Variants in FMN1 observed in about 807,000 individuals in gnomAD.
FMN1 encodes formin-1.
Under a neutral mutation model 132.4 loss-of-function variants are expected in FMN1, and 110 were observed. The ratio of observed to expected loss-of-function variants is 0.83; its 90% confidence interval spans 0.71 to 0.97. The LOEUF is 0.97. FMN1 is among the 50% of genes least tolerant of loss of function. FMN1 has a pLI of 0.00. For missense variants in FMN1, 1,792 were observed against 1,705.3 expected (o/e 1.05, Z -0.90); for synonymous variants, 722 against 651.7 (o/e 1.11, Z -1.64).
rs1248679613 is a variant in FMN1, at chr15:32,767,206, TC to T, written c.*7103del. The stretch of plus-strand genomic sequence containing the variant: ...ACTAGCCTCGTTCAAATTTTTCTCC[TC>T]CATGCGTCCTTTTTTTCTTGCTCAT... On this transcript the variant is annotated 3_prime_UTR_variant, in exon 21 of 21. Coordinates refer to ENST00000616417, the MANE Select transcript of FMN1 (RefSeq NM_001277313.2). 1 of 152,220 alleles carries T rather than the reference TC, an allele frequency of 6.6e-6. No homozygotes were observed. 9.4% of individuals were successfully genotyped at this position (152,220 alleles called of 1,614,324 possible). A position where few individuals can be genotyped will look rare whatever the true frequency, so the allele number is the denominator to read the frequency against.
At chr15:32,941,285 T>C (rs1313969169) in intron 9 of FMN1, among the ~76,000 whole-genome samples, 1 of 152,140 alleles carries the variant, frequency 6.6e-6, no homozygotes. Flanking sequence ...ATTTGTAAGA[T>C]TTTGCTTATC....
chr15:32,849,283 G>A (rs2058946270), intron 17 of FMN1, among the ~76,000 whole-genome samples: 4 of 151,684 alleles, frequency 2.6e-5, no homozygotes, highest in Admixed American at 1.3e-4. Flanking sequence ...GAGCCACCGC[G>A]CCCGGCCAGT....
intron 4 of FMN1, among the ~76,000 whole-genome samples, chr15:33,117,466 C>T (rs2039972702): frequency 1.3e-5 from 2 of 152,188 alleles, no homozygotes; most frequent in African/African-American, 4.8e-5. Flanking sequence ...ATTTAACTGG[C>T]ATATGCTCTT....
intron 7 of FMN1, among the ~76,000 whole-genome samples, chr15:33,007,700 A>G (rs925506889): frequency 6.6e-6 from 1 of 151,700 alleles, no homozygotes; most frequent in African/African-American, 2.4e-5. Flanking sequence ...CGTACCTAGA[A>G]AAAAAAACTT....
chr15:32,829,280 CCTA>C (rs2058445036), intron 17 of FMN1, among the ~76,000 whole-genome samples: 1 of 152,168 alleles, frequency 6.6e-6, no homozygotes, highest in Non-Finnish European at 1.5e-5. Flanking sequence ...AGCTATTATT[CCTA>C]CTAAGTTAAA....
At chr15:32,983,452 A>G (rs2032838494) in intron 7 of FMN1, among the ~76,000 whole-genome samples, 1 of 152,196 alleles carries the variant, frequency 6.6e-6, no homozygotes, top group Admixed American at 6.5e-5. Context: ...ATGACTGCAC[A>G]TTTTTGGTGA....
chr15:32,776,783 G>A (rs965792349), intron 20 of FMN1, 52 bp downstream of exon 20: 23 of 1,093,264 alleles, frequency 2.1e-5, no homozygotes, highest in Middle Eastern at 1.9e-4. Context: ...CTTCCTGGGC[G>A]CACCTCAATT....
At chr15:33,075,384 CCT>C (rs1423859791) in intron 5 of FMN1, among the ~76,000 whole-genome samples, 1 of 152,038 alleles carries the variant, frequency 6.6e-6, no homozygotes, top group African/African-American at 2.4e-5. Flanking sequence ...CTCCCAACTC[CCT>C]CTGATATATG....
At chr15:32,931,672 C>T (rs1414457077) in intron 9 of FMN1, among the ~76,000 whole-genome samples, 3 of 152,058 alleles carry the variant, frequency 2.0e-5, no homozygotes, top group Admixed American at 1.3e-4. Flanking sequence ...ATTTCATTTC[C>T]AACTTTGATG....
At chr15:33,001,588 C>T (rs1410019851) in intron 7 of FMN1, among the ~76,000 whole-genome samples, 2 of 140,114 alleles carry the variant, frequency 1.4e-5, no homozygotes, top group African/African-American at 5.3e-5. Context: ...TCCCCCCATC[C>T]TCCTCCTCCT....
At chr15:32,870,523 T>A (rs2059490639) in intron 16 of FMN1, among the ~76,000 whole-genome samples, 1 of 152,180 alleles carries the variant, frequency 6.6e-6, no homozygotes, top group Non-Finnish European at 1.5e-5. Context: ...GCTTTAGGAC[T>A]TTTGGAAAGA....
At chr15:33,126,858 G>A (rs569804814) in intron 4 of FMN1, among the ~76,000 whole-genome samples, 56 of 152,290 alleles carry the variant, frequency 3.7e-4, no homozygotes, top group Non-Finnish European at 7.5e-4. Flanking sequence ...CTTTGGGAAG[G>A]AAAACTGATA....
chr15:32,953,273 T>C (rs2061692688), intron 9 of FMN1, among the ~76,000 whole-genome samples: 1 of 152,180 alleles, frequency 6.6e-6, no homozygotes, highest in African/African-American at 2.4e-5. Flanking sequence ...CACACATGAT[T>C]TCTTCTCATA....
intron 19 of FMN1, among the ~76,000 whole-genome samples, chr15:32,788,529 T>C (rs2056956818): frequency 6.6e-6 from 1 of 151,856 alleles, no homozygotes; most frequent in Non-Finnish European, 1.5e-5. Flanking sequence ...AACAAAAGGG[T>C]GAGGAAACAG....
intron 17 of FMN1, among the ~76,000 whole-genome samples, chr15:32,842,473 G>C (rs2058765524): frequency 6.6e-6 from 1 of 152,204 alleles, no homozygotes; most frequent in Admixed American, 6.5e-5. Flanking sequence ...TAAGTTTTGA[G>C]ATGGTTGGTT....
rs372307025 is a variant in FMN1, at chr15:32,819,740, T to C, written c.3929-15408A>G. On this transcript the variant is annotated intron_variant, in intron 17 of 20. Transcript: ENST00000616417. ...AAGTTGGGCATTTAGGATCTAACTT[T>C]ATAAAAAAGAAAGAAAAAAAACCAC... Among the ~76,000 whole-genome samples the C allele has an allele frequency of 7.9e-5, 12 of 152,132 alleles. No homozygotes were observed. In the East Asian group the frequency reaches 2.1e-3, roughly 27 times the overall value.
intron 5 of FMN1, among the ~76,000 whole-genome samples, chr15:33,079,161 T>G (rs1291364229): frequency 6.6e-6 from 1 of 152,170 alleles, no homozygotes; most frequent in Non-Finnish European, 1.5e-5. Context: ...GTATATACCC[T>G]CAAAAGTCCA....
At chr15:33,014,632 C>T (rs1484661871) in intron 6 of FMN1, among the ~76,000 whole-genome samples, 2 of 152,118 alleles carry the variant, frequency 1.3e-5, no homozygotes, top group African/African-American at 4.8e-5. Context: ...CAGGATTCAA[C>T]ATTTTGGAGG....
chr15:32,941,919 C>G lies in FMN1; in HGVS notation c.3139-15658G>C, dbSNP rs117184411. ...ACTTTATCTCCGCCCTATCTAGAGT[C>G]AGCTGAACTTGGCAGCACATGGCTT... On this transcript the variant is annotated intron_variant, in intron 9 of 20. Transcript: ENST00000616417. Among the ~76,000 whole-genome samples, 664 of 152,318 alleles carry G rather than the reference C, an allele frequency of 4.4e-3. 2 individuals carry two copies. The highest frequency in any genetic ancestry group is 6.7e-3 in the Admixed American group (102 of 15,304).
Sources: gnomAD v4.1 joint callset for allele counts (sites outside exome capture counted in the v4.1 genomes callset) on GRCh38, gnomAD v4.1.1 for gene constraint, MANE v1.5 for transcripts, NCBI Gene and HGNC (gene_info 2026-07-23, HGNC 2026-07-21) for gene names.